The following CAMTA1 variants were observed in gnomAD, a reference collection of about 807,000 sequenced individuals.
CAMTA1 encodes the protein calmodulin-binding transcription activator 1.
In CAMTA1, 27 loss-of-function variants were observed where a neutral mutation model predicts 170.9. The observed-to-expected ratio is 0.16, with a 90% CI of 0.12 to 0.22. The LOEUF is 0.22. Among genes scored for constraint, CAMTA1 ranks in the 10% least tolerant of loss-of-function variants. CAMTA1 has a pLI of 1.00. For synonymous variants in CAMTA1, 833 were observed against 891.5 expected (o/e 0.93, Z 1.17); for missense variants, 1,619 against 2,217.2 (o/e 0.73, Z 5.42).
At chr1:6,924,693 C>T (rs1377808940) in intron 3 of CAMTA1, among the ~76,000 whole-genome samples, 2 of 152,252 alleles carry the variant, frequency 1.3e-5, no homozygotes, top group African/African-American at 4.8e-5. Flanking sequence ...CATGTTCCAG[C>T]TTCTTTTCCG....
chr1:7,425,666 A>G (rs908414740), intron 5 of CAMTA1, among the ~76,000 whole-genome samples: 8 of 151,628 alleles, frequency 5.3e-5, no homozygotes, highest in African/African-American at 1.7e-4. Flanking sequence ...CCCCTTCTCT[A>G]TGACTCAAAG....
At position 7,730,486 on chromosome 1, in the gene CAMTA1, C is replaced by T. The variant is rs537063802; in HGVS notation, c.2915-1962C>T. On this transcript the variant is annotated intron_variant, in intron 11 of 22. Coordinates refer to ENST00000303635, the MANE Select transcript of CAMTA1 (RefSeq NM_015215.4). ...TGACTTGTCTAAACTCTGTCCCCAT[C>T]CCATCCCTCCTTATTACGTTATCCT... 7.9e-5 allele frequency among the ~76,000 whole-genome samples: 12 copies of T among 152,352 alleles called. No homozygotes were observed. The South Asian group carries it at 2.5e-3, about 32-fold the overall frequency.
chr1:7,376,178 T>C (rs964459590), intron 5 of CAMTA1, among the ~76,000 whole-genome samples: 1 of 152,252 alleles, frequency 6.6e-6, no homozygotes, highest in Non-Finnish European at 1.5e-5. Context: ...GAAGTATGAA[T>C]AGTAAGAAGG....
rs59337919 is a variant in CAMTA1, at chr1:7,571,672, CT to C, written c.511-68721del. ...TTGCTGCAAAGGACATGATCTTGCTCTTTTTTTATGGCTGCATAGTATTCCA... is the reference window on the plus strand; with the variant it reads ...TTGCTGCAAAGGACATGATCTTGCTCTTTTTTATGGCTGCATAGTATTCCA... On this transcript the variant is annotated intron_variant, in intron 6 of 22. Transcript: ENST00000303635. Among the ~76,000 whole-genome samples, 552 of 152,214 alleles carry C rather than the reference CT, an allele frequency of 3.6e-3. 2 individuals are homozygous for C. The highest frequency in any genetic ancestry group is 0.012 in the African/African-American group (500 of 41,506).
intron 5 of CAMTA1, among the ~76,000 whole-genome samples, chr1:7,429,009 C>A (rs146298151): frequency 6.6e-6 from 1 of 152,216 alleles, no homozygotes; most frequent in African/African-American, 2.4e-5. Flanking sequence ...CTCTAATGGA[C>A]GCCTCTAATG....
Position 7,173,953 on chromosome 1 carries a change from C to T in CAMTA1, c.303-75538C>T, listed in dbSNP as rs562152942. On this transcript the variant is annotated intron_variant, in intron 4 of 22. Coordinates refer to ENST00000303635, the MANE Select transcript of CAMTA1 (RefSeq NM_015215.4). The surrounding 1 kb of genome is among the most constrained non-coding windows in gnomAD (Gnocchi z 5.4). ...GGAACTCAGAGGGGCCCAGCCTTTA[C>T]CATGGGTTACCTTTGACACCAAGGT... 1.3e-5 allele frequency among the ~76,000 whole-genome samples: 2 copies of T among 152,238 alleles called. No homozygotes were observed. Among genetic ancestry groups the T allele is most frequent in the South Asian group, 2.1e-4 (1 of 4,804 alleles).
At chr1:7,602,280 G>C (rs1222507208) in intron 6 of CAMTA1, among the ~76,000 whole-genome samples, 1 of 151,286 alleles carries the variant, frequency 6.6e-6, no homozygotes, top group Non-Finnish European at 1.5e-5. Context: ...GAATCCATCT[G>C]GTCCTGGACT....
chr1:6,814,756 G>A (rs183065285), intron 1 of CAMTA1, among the ~76,000 whole-genome samples: 8 of 152,294 alleles, frequency 5.3e-5, no homozygotes, highest in South Asian at 2.1e-4. Flanking sequence ...AGATTCAGGC[G>A]CGGCTTTAAT....
At chr1:6,972,331 A>G (rs1692694003) in intron 3 of CAMTA1, among the ~76,000 whole-genome samples, 2 of 152,250 alleles carry the variant, frequency 1.3e-5, no homozygotes, top group Admixed American at 1.3e-4. Flanking sequence ...ATAAAGGCAG[A>G]AAAACCTCCG....
chr1:7,694,407 A>C (rs1416724418), intron 11 of CAMTA1: 2 of 152,166 alleles, frequency 1.3e-5, no homozygotes, highest in Non-Finnish European at 2.9e-5. Context: ...AAATTAACTA[A>C]ATTACAGATC....
At chr1:7,566,021 A>T (rs1291735226) in intron 6 of CAMTA1, among the ~76,000 whole-genome samples, 1 of 152,086 alleles carries the variant, frequency 6.6e-6, no homozygotes, top group Non-Finnish European at 1.5e-5. Context: ...ATTGAACCTT[A>T]ATTACCTTCT....
chr1:6,914,393 C>T (rs1159706011), intron 3 of CAMTA1, among the ~76,000 whole-genome samples: 6 of 152,240 alleles, frequency 3.9e-5, no homozygotes, highest in African/African-American at 1.2e-4. Flanking sequence ...TGAACCACCA[C>T]ACCTGGCCAT....
chr1:7,363,603 G>A (rs780026329), intron 5 of CAMTA1, among the ~76,000 whole-genome samples: 9 of 152,252 alleles, frequency 5.9e-5, no homozygotes, highest in South Asian at 2.1e-4. Context: ...ACATCGGAAC[G>A]ATTGGCCTGT....
chr1:7,639,951 G>A (rs966169566), intron 6 of CAMTA1, among the ~76,000 whole-genome samples: 1 of 152,134 alleles, frequency 6.6e-6, no homozygotes, highest in African/African-American at 2.4e-5. Context: ...CTGTGAGGGG[G>A]CAACGCGTGT....
intron 5 of CAMTA1, among the ~76,000 whole-genome samples, chr1:7,362,510 G>C (rs971783982): frequency 6.6e-6 from 1 of 152,118 alleles, no homozygotes; most frequent in South Asian, 2.1e-4. Context: ...TGGTAGACTT[G>C]GGTAGAGGTG....
chr1:7,028,548 C>T (rs376311036), intron 3 of CAMTA1, among the ~76,000 whole-genome samples: 32 of 152,260 alleles, frequency 2.1e-4, no homozygotes, highest in Middle Eastern at 3.4e-3. Context: ...TCCATGAATC[C>T]GAGACCTGCT....
intron 5 of CAMTA1, among the ~76,000 whole-genome samples, chr1:7,265,451 T>C (rs1344933657): frequency 6.6e-6 from 1 of 152,104 alleles, no homozygotes; most frequent in Non-Finnish European, 1.5e-5. Context: ...GTAACTGGGA[T>C]TACAGGCACC....
At chr1:7,140,734 AG>A (rs1645841599) in intron 4 of CAMTA1, among the ~76,000 whole-genome samples, 1 of 152,224 alleles carries the variant, frequency 6.6e-6, no homozygotes, top group Non-Finnish European at 1.5e-5. Flanking sequence ...ACTGTAACAA[AG>A]CTTTAATATA....
At chr1:7,486,874 C>T (rs902023314) in intron 6 of CAMTA1, among the ~76,000 whole-genome samples, 4 of 152,176 alleles carry the variant, frequency 2.6e-5, no homozygotes, top group African/African-American at 4.8e-5. Context: ...GATACAGAAG[C>T]GGCGGCTTCC....
Sources: gnomAD v4.1 joint callset for allele counts (sites outside exome capture counted in the v4.1 genomes callset) on GRCh38, gnomAD v4.1.1 for gene constraint, Gnocchi (gnomAD v3.1) non-coding constraint, MANE v1.5 for transcripts, NCBI Gene and HGNC (gene_info 2026-07-23, HGNC 2026-07-21) for gene names.